IPMK: variants seen among roughly 807,000 people sequenced by gnomAD.
IPMK encodes the protein inositol polyphosphate multikinase.
IPMK carries 17 observed loss-of-function variants against 45.8 expected under a neutral mutation model. The observed-to-expected ratio is 0.37, with a 90% CI of 0.25 to 0.56. The LOEUF is 0.56. Ranked by LOEUF, IPMK falls within the 20% of genes least tolerant of loss-of-function variation. The pLI, the probability that IPMK is intolerant of heterozygous loss-of-function variation, is 0.79. For synonymous variants in IPMK, 180 were observed against 184.3 expected (o/e 0.98, Z 0.19); for missense variants, 399 against 498.0 (o/e 0.80, Z 1.89).
At chr10:58,218,560 G>A (rs1704096886) in intron 3 of IPMK, among the ~76,000 whole-genome samples, 1 of 152,116 alleles carries the variant, frequency 6.6e-6, no homozygotes, top group African/African-American at 2.4e-5. Flanking sequence ...TAGATCCTTG[G>A]CATTCAAAAA....
At chr10:58,240,126 A>C (rs752848027) in intron 1 of IPMK, among the ~76,000 whole-genome samples, 9 of 152,234 alleles carry the variant, frequency 5.9e-5, no homozygotes, top group Non-Finnish European at 8.8e-5. Flanking sequence ...ATGTTAAAAC[A>C]AAAAGTATAA....
intron 1 of IPMK, among the ~76,000 whole-genome samples, chr10:58,264,820 T>C (rs768187561): frequency 7.2e-5 from 11 of 152,140 alleles, no homozygotes; most frequent in South Asian, 2.1e-4. Context: ...ATACATGATA[T>C]AATACAGAAT....
In IPMK at chr10:58,267,715, G is replaced by A; in HGVS notation, c.-104C>T. Reference sequence around the variant, plus strand: ...GGTCGCTCAGGCTCGGGCGCGAGGAGGCCCGGGGGTTCCCGCGGCTGGTGC... The same window carrying A: ...GGTCGCTCAGGCTCGGGCGCGAGGAAGCCCGGGGGTTCCCGCGGCTGGTGC... On this transcript the variant is annotated 5_prime_UTR_variant, in exon 1 of 6. Coordinates refer to ENST00000373935, the MANE Select transcript of IPMK (RefSeq NM_152230.5). The A allele has an allele frequency of 4.3e-6, 3 of 702,724 alleles. No homozygotes were observed. The highest frequency in any genetic ancestry group is 7.3e-6 in the Non-Finnish European group (3 of 409,850). 43.5% of individuals were successfully genotyped at this position (702,724 alleles called of 1,614,324 possible).
chr10:58,243,766 T>A (rs1368955414), intron 1 of IPMK, among the ~76,000 whole-genome samples: 1 of 152,206 alleles, frequency 6.6e-6, no homozygotes, highest in Non-Finnish European at 1.5e-5. Flanking sequence ...AGTGCTAAGA[T>A]TACAGCCTCT....
chr10:58,243,896 C>T (rs1290406401), intron 1 of IPMK, among the ~76,000 whole-genome samples: 5 of 150,544 alleles, frequency 3.3e-5, no homozygotes, highest in South Asian at 2.1e-4. Context: ...CGCCTCTGCC[C>T]GGCCACCACC....
chr10:58,205,146 A>C (rs1838053247), intron 4 of IPMK, among the ~76,000 whole-genome samples: 1 of 152,200 alleles, frequency 6.6e-6, no homozygotes, highest in South Asian at 2.1e-4. Context: ...AAATAGGAGT[A>C]AATCTTGATG....
chr10:58,246,687 A>G (rs1838806261), intron 1 of IPMK, among the ~76,000 whole-genome samples: 1 of 151,194 alleles, frequency 6.6e-6, no homozygotes, highest in Non-Finnish European at 1.5e-5. Context: ...GCTAGACCTA[A>G]AACCATAAAA....
intron 1 of IPMK, among the ~76,000 whole-genome samples, chr10:58,243,610 T>C (rs1039933717): frequency 3.3e-5 from 5 of 152,226 alleles, no homozygotes; most frequent in Non-Finnish European, 7.3e-5. Context: ...CCTCGGGTGA[T>C]TAGCCCGCCT....
At chr10:58,267,353 C>T in intron 1 of IPMK, 69 bp downstream of exon 1, 2 of 1,522,690 alleles carry the variant, frequency 1.3e-6, no homozygotes, top group Non-Finnish European at 1.8e-6. Flanking sequence ...GAGCGCTAGG[C>T]TGCCTCCGCT....
chr10:58,247,857 T>C (rs1482860033), intron 1 of IPMK, among the ~76,000 whole-genome samples: 1 of 152,160 alleles, frequency 6.6e-6, no homozygotes, highest in Non-Finnish European at 1.5e-5. Context: ...TTGATATACA[T>C]AGAATAAACT....
intron 5 of IPMK, 76 bp downstream of exon 5, chr10:58,199,164 T>C: frequency 1.2e-6 from 1 of 834,928 alleles, no homozygotes; most frequent in Non-Finnish European, 1.9e-6. Context: ...CTTTTCCAAA[T>C]GACAACTAAA....
At chr10:58,245,562 A>C (rs946059505) in intron 1 of IPMK, among the ~76,000 whole-genome samples, 1 of 150,670 alleles carries the variant, frequency 6.6e-6, no homozygotes, top group Admixed American at 6.6e-5. Flanking sequence ...CAGTGAGCTG[A>C]GGTCATGCCA....
chr10:58,217,688 C>CAAAAAAAAAAAAAAAAAAA lies in IPMK; in HGVS notation c.374-1390_374-1372dup, dbSNP rs11393849. ...GGGCAACAAGAGCAAAACTCCATCT[C>CAAAAAAAAAAAAAAAAAAA]AAAAAAAAAAAAAAAAAAAAAGAAT... On this transcript the variant is annotated intron_variant, in intron 3 of 5. Coordinates refer to ENST00000373935, the MANE Select transcript of IPMK (RefSeq NM_152230.5). Among the ~76,000 whole-genome samples, 12 of 49,262 alleles carry CAAAAAAAAAAAAAAAAAAA rather than the reference C, an allele frequency of 2.4e-4. 1 individual carries two copies. The highest frequency in any genetic ancestry group is 1.7e-3 in the South Asian group (2 of 1,154). 32.3% of individuals were successfully genotyped at this position (49,262 alleles called of 152,430 possible). A position where few individuals can be genotyped will look rare whatever the true frequency, so the allele number is the denominator to read the frequency against.
intron 1 of IPMK, among the ~76,000 whole-genome samples, chr10:58,239,730 A>ATAAACCAACAG (rs1392652993): frequency 1.3e-5 from 2 of 152,328 alleles, no homozygotes; most frequent in African/African-American, 2.4e-5. Context: ...CAGGATCCAA[A>ATAAACCAACAG]TAAACCAACA....
chr10:58,210,746 G>C (rs960577487), intron 4 of IPMK, among the ~76,000 whole-genome samples: 18 of 152,146 alleles, frequency 1.2e-4, no homozygotes, highest in East Asian at 1.9e-4. Flanking sequence ...ATTCACTCAG[G>C]GGGTATGTGT....
Position 58,267,776 on chromosome 10 carries a change from C to T in IPMK, c.-165G>A. The T allele has an allele frequency of 1.8e-6, 1 of 555,898 alleles. No homozygotes were observed. The highest frequency in any genetic ancestry group is 3.6e-5 in the Admixed American group (1 of 28,004). The allele number at this position is 555,898 out of a possible 1,614,324, so 34.4% of individuals were successfully genotyped here. A position where few individuals can be genotyped will look rare whatever the true frequency, so the allele number is the denominator to read the frequency against. On this transcript the variant is annotated 5_prime_UTR_variant, in exon 1 of 6. Transcript: ENST00000373935. ...GCGGGGAGGGGGCCCATGACGCCGC[C>T]GGGGCGCGGGCGCTCCTCTGCCCAA...
At position 58,196,802 on chromosome 10, in the gene IPMK, T is replaced by C. The variant is rs1468327301; in HGVS notation, c.629-104A>G. 3 of 764,866 alleles carry C rather than the reference T, an allele frequency of 3.9e-6. No homozygotes were observed. The African/African-American group carries it at 5.3e-5, about 14-fold the overall frequency. The allele number at this position is 764,866 out of a possible 1,614,324, so 47.4% of individuals were successfully genotyped here. ...CTCCAATATTTTCCCCATCATCCCT[T>C]AGAATTAAGTGAACAGTTAATCCTA... is the stretch of plus-strand genomic sequence containing the variant. On this transcript the variant is annotated intron_variant, in intron 5 of 5. Coordinates refer to ENST00000373935, the MANE Select transcript of IPMK (RefSeq NM_152230.5).
At chr10:58,229,554 C>A in intron 2 of IPMK, among the ~76,000 whole-genome samples, 1 of 104,540 alleles carries the variant, frequency 9.6e-6, no homozygotes. Flanking sequence ...CAGAGCGAGA[C>A]CACGTCTCAA....
rs1276342632 is a variant in IPMK, at chr10:58,267,755, G to A, written c.-144C>T. On this transcript the variant is annotated 5_prime_UTR_variant, in exon 1 of 6. Coordinates refer to ENST00000373935, the MANE Select transcript of IPMK (RefSeq NM_152230.5). ...GCGGCTGGTGCCCTCTGAAGCGCGG[G>A]GAGGGGGCCCATGACGCCGCCGGGG... The A allele has an allele frequency of 1.7e-6, 1 of 582,340 alleles. No individual in the cohort carries two copies. The highest frequency in any genetic ancestry group is 3.3e-5 in the Admixed American group (1 of 30,516). The allele number at this position is 582,340 out of a possible 1,614,324, so 36.1% of individuals were successfully genotyped here.
Sources: allele counts gnomAD v4.1 joint callset (sites outside exome capture counted in the v4.1 genomes callset), GRCh38; gene constraint gnomAD v4.1.1; transcripts MANE v1.5; gene names NCBI Gene and HGNC (gene_info 2026-07-23, HGNC 2026-07-21).